The following TMOD1 variants were observed in gnomAD, a reference collection of about 807,000 sequenced individuals.
TMOD1 encodes the protein tropomodulin 1, also known as tropomodulin-1.
TMOD1 carries 17 observed loss-of-function variants against 40.6 expected under a neutral mutation model. The ratio of observed to expected loss-of-function variants is 0.42; its 90% CI spans 0.29 to 0.63. TMOD1 has a LOEUF of 0.63. Ranked by LOEUF, TMOD1 falls within the 20% of genes least tolerant of loss-of-function variation. The pLI is 0.22. For missense variants in TMOD1, 391 were observed against 447.6 expected (o/e 0.87, Z 1.14); for synonymous variants, 181 against 175.0 (o/e 1.03, Z -0.27).
chr9:97,547,970 T>C (rs1452708321), intron 3 of TMOD1, among the ~76,000 whole-genome samples: 1 of 152,210 alleles, frequency 6.6e-6, no homozygotes, highest in Non-Finnish European at 1.5e-5. Flanking sequence ...TTTAATGGAT[T>C]TGTGCACTAC....
At chr9:97,550,487 A>G (rs1256770450) in intron 3 of TMOD1, among the ~76,000 whole-genome samples, 1 of 152,196 alleles carries the variant, frequency 6.6e-6, no homozygotes, top group East Asian at 1.9e-4. Flanking sequence ...TTACACTCCA[A>G]TCAGCAATGT....
chr9:97,576,902 T>C (rs976443595), intron 8 of TMOD1, among the ~76,000 whole-genome samples: 1 of 152,060 alleles, frequency 6.6e-6, no homozygotes, highest in African/African-American at 2.4e-5. Context: ...GCCTCCCAAA[T>C]TGCTGGGATT....
chr9:97,558,872 C>T (rs557985395), intron 4 of TMOD1, among the ~76,000 whole-genome samples: 1 of 152,236 alleles, frequency 6.6e-6, no homozygotes, highest in African/African-American at 2.4e-5. Flanking sequence ...GAGCGTCCCC[C>T]CAGCCCCCAA....
At chr9:97,573,036 C>G (rs1830845658) in intron 8 of TMOD1, among the ~76,000 whole-genome samples, 1 of 152,238 alleles carries the variant, frequency 6.6e-6, no homozygotes, top group Non-Finnish European at 1.5e-5. Flanking sequence ...AGGGATGGGA[C>G]TAGCCTGAGG....
At chr9:97,532,851 A>G (rs1341716484) in intron 2 of TMOD1, among the ~76,000 whole-genome samples, 1 of 152,246 alleles carries the variant, frequency 6.6e-6, no homozygotes, top group Non-Finnish European at 1.5e-5. Context: ...AGGTATGTGT[A>G]TGTAAGAAAA....
At chr9:97,520,882 C>G (rs1829904581) in intron 1 of TMOD1, among the ~76,000 whole-genome samples, 1 of 152,188 alleles carries the variant, frequency 6.6e-6, no homozygotes, top group African/African-American at 2.4e-5. Flanking sequence ...CTTTTCCCAG[C>G]CCCTTTTCCC....
At chr9:97,524,497 G>GGGGTGTGTGTGT (rs561183211) in intron 2 of TMOD1, among the ~76,000 whole-genome samples, 189 bp downstream of exon 2, 49 of 143,030 alleles carry the variant, frequency 3.4e-4, no homozygotes, top group East Asian at 2.5e-3. Flanking sequence ...GAACCAATAG[G>GGGGTGTGTGTGT]GTGTGTGTGT....
At chr9:97,564,309 G>A (rs1830693379) in intron 6 of TMOD1, 141 bp downstream of exon 6, 1 of 1,158,488 alleles carries the variant, frequency 8.6e-7, no homozygotes, top group Non-Finnish European at 1.2e-6. Flanking sequence ...ATTGGGAATA[G>A]GGACAAAACC....
chr9:97,567,681 G>C (rs370257431), intron 7 of TMOD1, among the ~76,000 whole-genome samples: 1 of 152,310 alleles, frequency 6.6e-6, no homozygotes, highest in East Asian at 1.9e-4. Flanking sequence ...ACTCTGGCTG[G>C]GTCCTTTCCC....
chr9:97,527,756 C>T (rs775331937), intron 2 of TMOD1, among the ~76,000 whole-genome samples: 1 of 152,154 alleles, frequency 6.6e-6, no homozygotes, highest in African/African-American at 2.4e-5. Flanking sequence ...ATGCTGGGGA[C>T]ACATGGACTG....
intron 1 of TMOD1, among the ~76,000 whole-genome samples, chr9:97,509,506 TTTTTTGTTTTTTG>T (rs1480948841): frequency 7.7e-4 from 93 of 120,910 alleles, no homozygotes; most frequent in African/African-American, 2.6e-3. Context: ...AGAGGTTTTT[TTTTTTGTTTTTTG>T]TTTTTTTTTT....
intron 4 of TMOD1, among the ~76,000 whole-genome samples, chr9:97,560,756 C>T (rs183050542): frequency 2.6e-5 from 4 of 151,120 alleles, no homozygotes; most frequent in Admixed American, 6.6e-5. Context: ...CCCAGCTACT[C>T]GGGAGGCTGA....
intron 4 of TMOD1, among the ~76,000 whole-genome samples, chr9:97,561,233 T>C (rs998634220): frequency 1.3e-5 from 2 of 152,212 alleles, no homozygotes; most frequent in African/African-American, 4.8e-5. Flanking sequence ...CTCTAATGGC[T>C]TCCCAGGCTG....
intron 7 of TMOD1, among the ~76,000 whole-genome samples, chr9:97,567,315 T>C (rs1242122480): frequency 2.6e-5 from 4 of 152,232 alleles, no homozygotes; most frequent in Non-Finnish European, 4.4e-5. Flanking sequence ...TTTTTGGGCA[T>C]GGACTCTGCC....
chr9:97,597,106 A>G (rs1042648059), intron 9 of TMOD1, among the ~76,000 whole-genome samples: 5 of 152,246 alleles, frequency 3.3e-5, no homozygotes, highest in African/African-American at 1.2e-4. Flanking sequence ...GAGGAGTTCA[A>G]GCAGCAGATG....
chr9:97,582,529 C>G (rs1420049352), intron 8 of TMOD1, among the ~76,000 whole-genome samples: 2 of 141,508 alleles, frequency 1.4e-5, no homozygotes, highest in Admixed American at 7.1e-5. Flanking sequence ...TTTTCCAATT[C>G]TGTGAAGAAA....
At chr9:97,593,841 A>G (rs553786083) in intron 9 of TMOD1, among the ~76,000 whole-genome samples, 27 of 152,108 alleles carry the variant, frequency 1.8e-4, no homozygotes, top group Admixed American at 3.3e-4. Context: ...TGCTGGGGGT[A>G]CAAAGGAGAG....
chr9:97,509,471 G>A (rs79927142), intron 1 of TMOD1, among the ~76,000 whole-genome samples: 7 of 151,178 alleles, frequency 4.6e-5, no homozygotes, highest in African/African-American at 1.7e-4. Flanking sequence ...GCCGTTTTGG[G>A]GGTTTTGGGT....
Position 97,601,317 on chromosome 9 carries a change from A to G in TMOD1, c.*1619A>G. ...GACATGTGCCTGGCACACTGGCCAG[A>G]AGACTGGGCAGCCACCATGGCAGTG... On this transcript the variant is annotated 3_prime_UTR_variant, in exon 10 of 10. Transcript: ENST00000259365. 1 of 1,157,446 alleles carries G rather than the reference A, an allele frequency of 8.6e-7. No individual in the cohort carries two copies. Among genetic ancestry groups the G allele is most frequent in the Non-Finnish European group, 1.1e-6 (1 of 922,000 alleles). The allele number at this position is 1,157,446 out of a possible 1,614,324, so 71.7% of individuals were successfully genotyped here.
Sources: gnomAD v4.1 joint callset for allele counts (sites outside exome capture counted in the v4.1 genomes callset) on GRCh38, gnomAD v4.1.1 for gene constraint, MANE v1.5 for transcripts, NCBI Gene and HGNC (gene_info 2026-07-23, HGNC 2026-07-21) for gene names.